SLC25A21: variants seen among roughly 807,000 people sequenced by gnomAD.
SLC25A21 encodes the protein mitochondrial 2-oxodicarboxylate carrier.
In SLC25A21, 47 loss-of-function variants were observed where a neutral mutation model predicts 43.8. The ratio of observed to expected loss-of-function variants is 1.07; its 90% CI spans 0.85 to 1.37. The LOEUF (loss-of-function observed/expected upper bound fraction) is 1.37. SLC25A21 is among the 40% of genes most tolerant of loss of function. The pLI is 0.00. For missense variants in SLC25A21, 352 were observed against 350.2 expected, an observed-to-expected ratio of 1.00 and a Z score of -0.04; for synonymous variants, 131 against 121.3, an observed-to-expected ratio of 1.08 and a Z score of -0.52.
chr14:36,977,335 T>C lies in SLC25A21; in HGVS notation c.71-102331A>G, dbSNP rs138066425. Among the ~76,000 whole-genome samples the C allele has an allele frequency of 9.2e-3, 1,404 of 152,288 alleles. 21 individuals are homozygous for C. Among genetic ancestry groups the C allele is most frequent in the African/African-American group, 0.032 (1,348 of 41,552 alleles). On this transcript the variant is annotated intron_variant, in intron 1 of 9. Transcript: ENST00000331299. ...GCATTGACCAGAGAGGAGGACTCTG[T>C]CTCATATTCTTTGCTTAGAAGGCCC...
Position 36,725,677 on chromosome 14 carries a change from T to C in SLC25A21, c.331A>G (p.Thr111Ala). The C allele has an allele frequency of 6.3e-7, 1 of 1,589,426 alleles. No homozygotes were observed. The highest frequency in any genetic ancestry group is 8.6e-7 in the Non-Finnish European group (1 of 1,166,910). Residue 111 changes from threonine (T) to alanine (A), a missense_variant and splice_region_variant, in exon 6 of 10, where the codon ACA becomes GCA. Transcript: ENST00000331299. ...LGYVSLSPAL[T>A]FAIAGLGSGL... is the part of the protein sequence containing the mutation. ...GATCCCAATCCAGCAATGGCGAATG[T>C]CTAGAAAAATTAAATCAATCAATAC...
chr14:36,679,554 T>C lies in SLC25A21; in HGVS notation c.*1104A>G, dbSNP rs1482224410. The C allele has an allele frequency of 3.0e-6, 3 of 985,250 alleles. No homozygotes were observed. The African/African-American group carries it at 5.2e-5, about 17-fold the overall frequency. 61.0% of individuals were successfully genotyped at this position (985,250 alleles called of 1,614,324 possible). A position where few individuals can be genotyped will look rare whatever the true frequency, so the allele number is the denominator to read the frequency against. ...TGGTTACATCAAGACCAAGGAGATATTTTTGTTGATACATGTTAGTATAGT... is the reference window on the plus strand; with the variant it reads ...TGGTTACATCAAGACCAAGGAGATACTTTTGTTGATACATGTTAGTATAGT... On this transcript the variant is annotated 3_prime_UTR_variant, in exon 10 of 10. Transcript: ENST00000331299.
At chr14:36,920,852 G>T (rs1327298018) in intron 1 of SLC25A21, among the ~76,000 whole-genome samples, 1 of 152,088 alleles carries the variant, frequency 6.6e-6, no homozygotes, top group East Asian at 1.9e-4. Context: ...TACGGGCAAA[G>T]TTATAGCACT....
chr14:37,073,837 G>T (rs1962223499), intron 1 of SLC25A21, among the ~76,000 whole-genome samples: 1 of 151,942 alleles, frequency 6.6e-6, no homozygotes, highest in Non-Finnish European at 1.5e-5. Context: ...ACTGCTCCTT[G>T]ATTGATCAAG....
intron 3 of SLC25A21, chr14:36,807,121 T>C (rs1422961739): frequency 6.6e-6 from 1 of 152,202 alleles, no homozygotes; most frequent in Non-Finnish European, 1.5e-5. Flanking sequence ...ACAAACTCAA[T>C]CAACACCCAA....
At position 37,018,281 on chromosome 14, in the gene SLC25A21, T is replaced by C. The variant is rs114830801; in HGVS notation, c.71-143277A>G. ...AAATTTAATACCTCCAAAATTGAGCTACTGATCTTTCCCTCAACACTGTTA... is the reference window on the plus strand; with the variant it reads ...AAATTTAATACCTCCAAAATTGAGCCACTGATCTTTCCCTCAACACTGTTA... On this transcript the variant is annotated intron_variant, in intron 1 of 9. Coordinates refer to ENST00000331299, the MANE Select transcript of SLC25A21 (RefSeq NM_030631.4). 3.2e-3 allele frequency among the ~76,000 whole-genome samples: 488 copies of C among 152,136 alleles called. 3 individuals carry two copies. Among genetic ancestry groups the C allele is most frequent in the African/African-American group, 0.011 (456 of 41,542 alleles).
intron 1 of SLC25A21, among the ~76,000 whole-genome samples, chr14:36,985,717 G>A (rs1204884588): frequency 3.3e-5 from 5 of 152,004 alleles, no homozygotes; most frequent in East Asian, 1.9e-4. Flanking sequence ...AATGGTTGTC[G>A]TAATTTTCCA....
At chr14:36,713,151 G>A (rs889207790) in intron 6 of SLC25A21, among the ~76,000 whole-genome samples, 15 of 152,178 alleles carry the variant, frequency 9.9e-5, no homozygotes, top group East Asian at 5.8e-4. Context: ...GCATGAGGGC[G>A]GAGGAGCTCC....
At chr14:37,080,023 AAAG>A (rs1176052398) in intron 1 of SLC25A21, among the ~76,000 whole-genome samples, 2 of 152,158 alleles carry the variant, frequency 1.3e-5, no homozygotes, top group Admixed American at 6.5e-5. Context: ...TATTAGCCAG[AAAG>A]AAGGTCCATA....
At chr14:37,035,850 G>A (rs1961315751) in intron 1 of SLC25A21, among the ~76,000 whole-genome samples, 1 of 152,168 alleles carries the variant, frequency 6.6e-6, no homozygotes, top group Admixed American at 6.5e-5. Context: ...CGCTAACTTT[G>A]CTGTTTATGT....
At chr14:37,147,514 C>T (rs1471436781) in intron 1 of SLC25A21, among the ~76,000 whole-genome samples, 1 of 152,052 alleles carries the variant, frequency 6.6e-6, no homozygotes, top group African/African-American at 2.4e-5. Flanking sequence ...CCAGTTAGAG[C>T]TCTTAAAACC....
intron 3 of SLC25A21, among the ~76,000 whole-genome samples, chr14:36,770,421 G>A (rs1455657620): frequency 1.4e-4 from 22 of 152,122 alleles, no homozygotes; most frequent in African/African-American, 5.3e-4. Flanking sequence ...TGGATAATAT[G>A]CTCACTACCT....
intron 1 of SLC25A21, among the ~76,000 whole-genome samples, chr14:36,876,493 C>T (rs1250585825): frequency 1.3e-5 from 2 of 152,266 alleles, no homozygotes; most frequent in South Asian, 4.1e-4. Flanking sequence ...GAGCAGAGGC[C>T]ACAGGATCGC....
intron 1 of SLC25A21, among the ~76,000 whole-genome samples, chr14:37,109,473 T>G (rs543032616): frequency 1.2e-4 from 18 of 152,312 alleles, no homozygotes; most frequent in African/African-American, 3.6e-4. Context: ...TTTATGTAAT[T>G]TCTTTTTTCA....
chr14:36,943,220 T>G (rs913082202), intron 1 of SLC25A21, among the ~76,000 whole-genome samples: 2 of 152,152 alleles, frequency 1.3e-5, no homozygotes, highest in Non-Finnish European at 2.9e-5. Context: ...AGACTGAGTC[T>G]CACTCTGTCA....
intron 1 of SLC25A21, among the ~76,000 whole-genome samples, chr14:36,947,445 C>T (rs952788503): frequency 6.6e-6 from 1 of 152,158 alleles, no homozygotes; most frequent in South Asian, 2.1e-4. Context: ...GATAGTTTGT[C>T]TTCAGCTGGT....
intron 1 of SLC25A21, among the ~76,000 whole-genome samples, chr14:37,103,680 T>G (rs1191829964): frequency 6.6e-6 from 1 of 152,084 alleles, no homozygotes; most frequent in African/African-American, 2.4e-5. Flanking sequence ...CAAACCTTCT[T>G]CCCTTGCTGT....
At chr14:36,909,049 G>C (rs573627202) in intron 1 of SLC25A21, among the ~76,000 whole-genome samples, 8 of 152,110 alleles carry the variant, frequency 5.3e-5, no homozygotes, top group Admixed American at 2.6e-4. Flanking sequence ...AGGGAAAATA[G>C]AGGGACTTAA....
chr14:36,893,677 G>T (rs1891152114), intron 1 of SLC25A21, among the ~76,000 whole-genome samples: 2 of 152,110 alleles, frequency 1.3e-5, no homozygotes. Context: ...ATGGTTTTAG[G>T]TCTAACATTT....
Sources: gnomAD v4.1 joint callset for allele counts (sites outside exome capture counted in the v4.1 genomes callset) on GRCh38, gnomAD v4.1.1 for gene constraint, MANE v1.5 for transcripts, NCBI Gene and HGNC (gene_info 2026-07-23, HGNC 2026-07-21) for gene names.